Variants in SGSH observed in about 807,000 individuals in gnomAD.
The protein encoded by SGSH is N-sulfoglucosamine sulfohydrolase.
Under a neutral mutation model 51.0 loss-of-function variants are expected in SGSH, and 48 were observed. The observed-to-expected ratio is 0.94, with a 90% CI of 0.75 to 1.20. The LOEUF is 1.20. Ranked by LOEUF, SGSH falls within the 50% of genes most tolerant of loss-of-function variation. The pLI is 0.00. For missense variants in SGSH, 662 were observed against 717.8 expected, an observed-to-expected ratio of 0.92 and a Z score of 0.89; for synonymous variants, 321 against 313.4, an observed-to-expected ratio of 1.02 and a Z score of -0.26.
downstream of SGSH, among the ~76,000 whole-genome samples, chr17:80,206,421 C>T (rs899824272): frequency 6.6e-6 from 1 of 152,182 alleles, no homozygotes; most frequent in African/African-American, 2.4e-5. Context: ...TGAGACCAGC[C>T]TGAGCAACAC....
rs759758209 is a variant in SGSH at position 80,210,767 on chromosome 17, G to A, written c.1194C>T (p.Ile398=). ...HNLNFKMPFP[I]DQDFYVSPTF... is the part of the protein sequence containing the mutation. ...TGGGTGAGACGTAGAAGTCCTGGTC[G>A]ATGGGAAAGGGCATCTTGAAGTTGA... The change falls in exon 8 of 8, where the codon ATC becomes ATT. Residue 398 remains isoleucine (I), a synonymous_variant. Coordinates refer to ENST00000326317, the MANE Select transcript of SGSH (RefSeq NM_000199.5). 1.1e-5 allele frequency: 18 copies of A among 1,613,962 alleles called. No individual in the cohort carries two copies. Among genetic ancestry groups the A allele is most frequent in the Admixed American group, 3.3e-5 (2 of 59,998 alleles).
At chr17:80,204,898 G>A (rs573347574), downstream of SGSH, 23 of 720,588 alleles carry the variant, frequency 3.2e-5, no homozygotes, top group East Asian at 2.8e-4. Context: ...TCCTGTGACC[G>A]CTGAGCCTGT....
downstream of SGSH, chr17:80,204,596 C>A: frequency 2.5e-6 from 1 of 399,490 alleles, no homozygotes. Context: ...TGCACTCCAG[C>A]CTGGGCAATA....
In SGSH at chr17:80,214,626, A is replaced by C; in HGVS notation, c.495T>G (p.Thr165=). Residue 165 remains threonine (T), a synonymous_variant, in exon 4 of 8, where the codon ACT becomes ACG. Transcript: ENST00000326317. ...GCCCCGACTCATACCGGTCATCCTG[A>C]GTCTGCAGGAATTTCCGGACGAGCA... The part of the protein sequence containing the change: ...IKLLVRKFLQ[T]QDDRPFFLYV... 6.2e-7 allele frequency: 1 copy of C among 1,613,082 alleles called. No homozygotes were observed. Among genetic ancestry groups the C allele is most frequent in the Non-Finnish European group, 8.5e-7 (1 of 1,179,850 alleles).
At position 80,210,551 on chromosome 17, in the gene SGSH, C is replaced by A. The variant is rs977948935; in HGVS notation, c.1410G>T (p.Lys470Asn). 2 of 1,612,594 alleles carry A rather than the reference C, an allele frequency of 1.2e-6. No individual in the cohort carries two copies. Among genetic ancestry groups the A allele is most frequent in the African/African-American group, 1.3e-5 (1 of 74,922 alleles). Residue 470 changes from lysine (K) to asparagine (N), a missense_variant, in exon 8 of 8, where the codon AAG becomes AAT. Transcript: ENST00000326317. ...LLEMLRDQLAKWQWETHDPWV... is the reference protein window; with the variant it reads ...LLEMLRDQLANWQWETHDPWV... ...AGGGGTCGTGGGTCTCCCACTGCCA[C>A]TTGGCCAGCTGGTCCCGAAGCATCT...
intron 1 of SGSH, among the ~76,000 whole-genome samples, chr17:80,218,575 C>T (rs530117478): frequency 6.6e-6 from 1 of 152,330 alleles, no homozygotes; most frequent in Admixed American, 6.5e-5. Flanking sequence ...TTCCATCCTC[C>T]ACCCCACAGT....
rs1184745111 is a variant in SGSH, at chr17:80,210,261, C to A, written c.*191G>T. The A allele has an allele frequency of 7.0e-7, 1 of 1,429,502 alleles. No individual in the cohort carries two copies. Among genetic ancestry groups the A allele is most frequent in the Non-Finnish European group, 9.1e-7 (1 of 1,096,074 alleles). 88.6% of individuals were successfully genotyped at this position (1,429,502 alleles called of 1,614,324 possible). A position where few individuals can be genotyped will look rare whatever the true frequency, so the allele number is the denominator to read the frequency against. Reference sequence around the variant, plus strand: ...TGGTGGTGGAGGGGCTGGGCACATGCTCTGGTCACATGCTCTGGTCCCCCT... The same window carrying A: ...TGGTGGTGGAGGGGCTGGGCACATGATCTGGTCACATGCTCTGGTCCCCCT... On this transcript the variant is annotated 3_prime_UTR_variant, in exon 8 of 8. Coordinates refer to ENST00000326317, the MANE Select transcript of SGSH (RefSeq NM_000199.5).
rs2041539505 is a variant in SGSH, at chr17:80,209,529, T to C, written c.*923A>G. ...CATTCTCCCAGCAACGCCGACGTCA[T>C]CCAAGAATTAACCCAAGCCAGAGGA... On this transcript the variant is annotated 3_prime_UTR_variant, in exon 8 of 8. Transcript: ENST00000326317. The C allele has an allele frequency of 7.1e-6, 7 of 983,776 alleles. No homozygotes were observed. The South Asian group carries it at 2.8e-4, about 40-fold the overall frequency. The allele number at this position is 983,776 out of a possible 1,614,324, so 60.9% of individuals were successfully genotyped here.
chr17:80,204,144 A>G, downstream of SGSH: 1 of 1,365,954 alleles, frequency 7.3e-7, no homozygotes. Context: ...AGGTCGCCCT[A>G]GTGCCAATCA....
downstream of SGSH, chr17:80,209,154 A>T: frequency 3.9e-6 from 1 of 254,966 alleles, no homozygotes; most frequent in Non-Finnish European, 6.2e-6. Context: ...GGGAGGACCC[A>T]GGTCCGCCAG....
rs1402606628 is a variant in SGSH, at chr17:80,212,621, G to A, written c.746-347C>T. The A allele has an allele frequency of 7.6e-6, 3 of 395,912 alleles. No homozygotes were observed. Among genetic ancestry groups the A allele is most frequent in the South Asian group, 2.1e-5 (1 of 47,260 alleles). 24.5% of individuals were successfully genotyped at this position (395,912 alleles called of 1,614,324 possible). A position where few individuals can be genotyped will look rare whatever the true frequency, so the allele number is the denominator to read the frequency against. On this transcript the variant is annotated intron_variant, in intron 6 of 7. Coordinates refer to ENST00000326317, the MANE Select transcript of SGSH (RefSeq NM_000199.5). This position sits in a 1 kb window ranked among gnomAD's most constrained non-coding sequence, Gnocchi z 5.9. ...TGGAGCAAATAGGGCAGGGGCCAGA[G>A]GACGAGGCTTCCTCTATACTCGCTC...
At chr17:80,211,303 G>A in intron 7 of SGSH, 2 of 667,378 alleles carry the variant, frequency 3.0e-6, no homozygotes, top group Non-Finnish European at 2.3e-6. Context: ...CCCCTGTGGT[G>A]GGTGTGGCCA....
rs769385447 is a variant in SGSH, at chr17:80,212,083, C to A, written c.937G>T (p.Val313Leu). Residue 313 changes from valine (V) to leucine (L), a missense_variant, in exon 7 of 8, where the codon GTG becomes TTG. Coordinates refer to ENST00000326317, the MANE Select transcript of SGSH (RefSeq NM_000199.5). The surrounding 1 kb of genome is among the most constrained non-coding windows in gnomAD (Gnocchi z 5.9). ...KRWGQVSEAYVSLLDLTPTIL... is the reference protein window; with the variant it reads ...KRWGQVSEAYLSLLDLTPTIL... ...GACAAAGGCATACCTAGGAGGCTCACGTAGGCCTCGCTGACTTGGCCCCAG... is the reference window on the plus strand; with the variant it reads ...GACAAAGGCATACCTAGGAGGCTCAAGTAGGCCTCGCTGACTTGGCCCCAG... 6.2e-6 allele frequency: 10 copies of A among 1,613,400 alleles called. No individual in the cohort carries two copies. Among genetic ancestry groups the A allele is most frequent in the Non-Finnish European group, 7.6e-6 (9 of 1,179,976 alleles).
At position 80,212,308 on chromosome 17, in the gene SGSH, G is replaced by A. The variant is rs748805583; in HGVS notation, c.746-34C>T. The stretch of plus-strand genomic sequence containing the variant: ...AGGGGCCGAGAAGCAGAGCTCAGCC[G>A]CAGACACGGAGGGAGGCAGCGGGTG... On this transcript the variant is annotated intron_variant, in intron 6 of 7. Transcript: ENST00000326317. This position sits in a 1 kb window ranked among gnomAD's most constrained non-coding sequence, Gnocchi z 5.9. 3.8e-6 allele frequency: 6 copies of A among 1,558,796 alleles called. No individual in the cohort carries two copies. The highest frequency in any genetic ancestry group is 8.7e-7 in the Non-Finnish European group (1 of 1,146,278).
intron 3 of SGSH, 21 bp downstream of exon 3, chr17:80,215,012 T>A: frequency 6.3e-7 from 1 of 1,593,294 alleles, no homozygotes; most frequent in Non-Finnish European, 8.6e-7. Flanking sequence ...CCACGCCCTG[T>A]CCTCGGCACG....
the SGSH span, chr17:80,201,186 T>G: frequency 6.5e-6 from 1 of 154,532 alleles, no homozygotes; most frequent in African/African-American, 2.4e-5. The surrounding 1 kb of genome is among the most constrained non-coding windows in gnomAD (Gnocchi z 5.0). Context: ...ATCTTAATTT[T>G]TATTGTAAAA....
At chr17:80,205,691 G>T, downstream of SGSH, 1 of 1,512,676 alleles carries the variant, frequency 6.6e-7, no homozygotes. Flanking sequence ...AGCTGTCCTG[G>T]GAAGGGTTTC....
intron 1 of SGSH, among the ~76,000 whole-genome samples, chr17:80,219,504 G>A (rs924746568): frequency 6.6e-6 from 1 of 152,224 alleles, no homozygotes; most frequent in Non-Finnish European, 1.5e-5. Context: ...TTTCTGGGAG[G>A]CGAGGAGTTG....
downstream of SGSH, chr17:80,202,722 C>A: frequency 1.3e-6 from 1 of 743,746 alleles, no homozygotes; most frequent in Non-Finnish European, 1.9e-6. Flanking sequence ...TGGGGCCGTC[C>A]TGGGCACTGC....
Sources: allele counts gnomAD v4.1 joint callset (sites outside exome capture counted in the v4.1 genomes callset), GRCh38; gene constraint gnomAD v4.1.1; non-coding constraint Gnocchi (gnomAD v3.1); transcripts MANE v1.5; gene names NCBI Gene and HGNC (gene_info 2026-07-23, HGNC 2026-07-21).